The following LRP12 variants were observed in gnomAD, a reference collection of about 807,000 sequenced individuals.
LRP12 encodes the protein low-density lipoprotein receptor-related protein 12.
In LRP12, 14 loss-of-function variants were observed where a neutral mutation model predicts 66.0. The observed-to-expected ratio is 0.21, with a 90% CI of 0.14 to 0.33. The LOEUF (loss-of-function observed/expected upper bound fraction) is 0.33, where lower values mean the gene tolerates loss of function less well. Ranked by LOEUF, LRP12 falls within the 10% of genes least tolerant of loss-of-function variation. LRP12 has a pLI of 1.00. For missense variants in LRP12, 889 were observed against 1,053.4 expected (o/e 0.84, Z 2.16); for synonymous variants, 357 against 359.1 (o/e 0.99, Z 0.07).
intron 1 of LRP12, among the ~76,000 whole-genome samples, chr8:104,548,302 A>T (rs1160984835): frequency 1.1e-4 from 4 of 37,158 alleles, no homozygotes; most frequent in African/African-American, 9.3e-4. Context: ...TATTTATATA[A>T]TATATATTAT....
chr8:104,497,528 T>C lies in LRP12; in HGVS notation c.1024A>G (p.Thr342Ala), dbSNP rs749648726. 1.9e-6 allele frequency: 3 copies of C among 1,614,048 alleles called. No individual in the cohort carries two copies. The highest frequency in any genetic ancestry group is 2.5e-6 in the Non-Finnish European group (3 of 1,179,988). ...LTAFDSHAPL[T>A]VVSSSGQIRV... Reference sequence around the variant, plus strand: ...ATCTGTCCAGAAGAAGAAACAACTGTAAGAGGTGCATGAGAATCAAAAGCT... The same window carrying C: ...ATCTGTCCAGAAGAAGAAACAACTGCAAGAGGTGCATGAGAATCAAAAGCT... Residue 342 changes from threonine (T) to alanine (A), a missense_variant, in exon 5 of 7, where the codon ACA becomes GCA. Physicochemically the swap from Thr to Ala is moderately conservative, Grantham distance 58. This residue lies in a region of LRP12 where 800 missense variants were observed against 964.5 expected (regional missense o/e 0.83). Coordinates refer to ENST00000276654, the MANE Select transcript of LRP12 (RefSeq NM_013437.5). This position sits in a 1 kb window ranked among gnomAD's most constrained non-coding sequence, Gnocchi z 4.3.
intron 1 of LRP12, among the ~76,000 whole-genome samples, chr8:104,578,660 A>C (rs1380600033): frequency 6.6e-6 from 1 of 152,200 alleles, no homozygotes; most frequent in Non-Finnish European, 1.5e-5. Flanking sequence ...CTTCATGAAC[A>C]CTGATGCAAA....
intron 1 of LRP12, among the ~76,000 whole-genome samples, chr8:104,532,247 A>G (rs1269077351): frequency 6.6e-6 from 1 of 152,028 alleles, no homozygotes; most frequent in African/African-American, 2.4e-5. Context: ...AATAATCAAA[A>G]GGGAAGTCAG....
chr8:104,588,964 A>ACGACGCCGCCGCCGCCGCCGC lies in LRP12; in HGVS notation c.-68_-67insGCGGCGGCGGCGGCGGCGTCG, dbSNP rs548846399. The ACGACGCCGCCGCCGCCGCCGC allele has an allele frequency of 1.1e-5, 10 of 905,882 alleles. No homozygotes were observed. In the East Asian group the frequency reaches 2.8e-4, roughly 26 times the overall value. 56.1% of individuals were successfully genotyped at this position (905,882 alleles called of 1,614,324 possible). Reference sequence around the variant, plus strand: ...AGGGAGGAGAAGCTGGAGGTAGACGACGCCGACGCCGCCGCCGCCGCCGCC... The same window carrying ACGACGCCGCCGCCGCCGCCGC: ...AGGGAGGAGAAGCTGGAGGTAGACGACGACGCCGCCGCCGCCGCCGCCGCCGACGCCGCCGCCGCCGCCGCC... On this transcript the variant is annotated 5_prime_UTR_variant, in exon 1 of 7. Coordinates refer to ENST00000276654, the MANE Select transcript of LRP12 (RefSeq NM_013437.5).
intron 3 of LRP12, among the ~76,000 whole-genome samples, chr8:104,501,591 C>T (rs759795401): frequency 2.0e-5 from 3 of 151,840 alleles, no homozygotes; most frequent in Middle Eastern, 3.4e-3. Flanking sequence ...GTAGTCCCAG[C>T]TACTCGGGAG....
chr8:104,548,229 T>TA (rs1420677990), intron 1 of LRP12, among the ~76,000 whole-genome samples: 10 of 102,262 alleles, frequency 9.8e-5, no homozygotes, highest in Non-Finnish European at 1.4e-4. Flanking sequence ...ATATGATATA[T>TA]TTATATTAAT....
At chr8:104,575,546 G>A (rs1754690249) in intron 1 of LRP12, among the ~76,000 whole-genome samples, 1 of 152,096 alleles carries the variant, frequency 6.6e-6, no homozygotes, top group South Asian at 2.1e-4. Flanking sequence ...TTCCAGAAAT[G>A]AAGTCAGTCA....
chr8:104,507,158 A>T (rs1810922504), intron 3 of LRP12: 1 of 152,216 alleles, frequency 6.6e-6, no homozygotes, highest in Non-Finnish European at 1.5e-5. Context: ...AATGATAATC[A>T]TATGTAAAAC....
intron 1 of LRP12, among the ~76,000 whole-genome samples, chr8:104,570,285 T>C (rs1210242787): frequency 1.3e-5 from 2 of 152,192 alleles, no homozygotes; most frequent in East Asian, 3.8e-4. Flanking sequence ...AAGCTGATTC[T>C]AAAATGTATA....
At chr8:104,549,936 C>T (rs973350659) in intron 1 of LRP12, among the ~76,000 whole-genome samples, 1 of 152,192 alleles carries the variant, frequency 6.6e-6, no homozygotes, top group African/African-American at 2.4e-5. Context: ...TCCAACTATT[C>T]AGGGATCTTT....
intron 2 of LRP12, among the ~76,000 whole-genome samples, chr8:104,524,281 A>T (rs1811196503): frequency 6.6e-6 from 1 of 151,742 alleles, no homozygotes; most frequent in Non-Finnish European, 1.5e-5. Context: ...TATTTAATAC[A>T]TATAACGTAC....
At chr8:104,528,242 G>C (rs184689435) in intron 2 of LRP12, among the ~76,000 whole-genome samples, 1 of 152,304 alleles carries the variant, frequency 6.6e-6, no homozygotes, top group African/African-American at 2.4e-5. Context: ...TAGCAGAGGT[G>C]AAAAGAGCAG....
chr8:104,535,582 G>C (rs1023961350), intron 1 of LRP12, among the ~76,000 whole-genome samples: 1 of 151,980 alleles, frequency 6.6e-6, no homozygotes, highest in Non-Finnish European at 1.5e-5. Flanking sequence ...TGATAGGTAT[G>C]TACCAGCCAA....
intron 1 of LRP12, chr8:104,566,124 G>T: frequency 2.8e-6 from 1 of 357,830 alleles, no homozygotes; most frequent in South Asian, 5.1e-5. Context: ...TTGTGGGATT[G>T]GCTATATGCA....
rs1289202455 is a variant in LRP12 at position 104,497,976 on chromosome 8, T to G, written c.576A>C (p.Gly192=). The G allele has an allele frequency of 6.2e-7, 1 of 1,614,192 alleles. No individual in the cohort carries two copies. The highest frequency in any genetic ancestry group is 8.5e-7 in the Non-Finnish European group (1 of 1,180,024). Residue 192 remains glycine (G), a synonymous_variant, in exon 5 of 7, where the codon GGA becomes GGC. Coordinates refer to ENST00000276654, the MANE Select transcript of LRP12 (RefSeq NM_013437.5). This position sits in a 1 kb window ranked among gnomAD's most constrained non-coding sequence, Gnocchi z 4.3. ...AWKCNNMDEC[G]DSSDEEICAK... ...CACAGATCTCTTCATCGGAACTATC[T>G]CCACATTCATCCATGTTATTACATT... is the stretch of plus-strand genomic sequence containing the variant.
rs148958736 is a variant in LRP12, at chr8:104,564,322, T to C, written c.79+24497A>G. On this transcript the variant is annotated intron_variant, in intron 1 of 6. Coordinates refer to ENST00000276654, the MANE Select transcript of LRP12 (RefSeq NM_013437.5). ...CCAATTTGGTATCTGGCACAGGCCCTGAGATTCAGCATTTCTAACCAGCTA... is the reference window on the plus strand; with the variant it reads ...CCAATTTGGTATCTGGCACAGGCCCCGAGATTCAGCATTTCTAACCAGCTA... 2.4e-3 allele frequency among the ~76,000 whole-genome samples: 363 copies of C among 152,338 alleles called. 5 individuals are homozygous for C. The highest frequency in any genetic ancestry group is 0.018 in the Admixed American group (275 of 15,306).
chr8:104,508,979 A>G lies in LRP12; in HGVS notation c.232T>C (p.Trp78Arg). The G allele has an allele frequency of 1.2e-6, 2 of 1,613,804 alleles. No homozygotes were observed. The highest frequency in any genetic ancestry group is 1.7e-6 in the Non-Finnish European group (2 of 1,179,752). ...SEYPAKINCS[W>R]FIRANPGEII... ...TCGCCTGGGTTTGCCCTTATGAACC[A>G]GCTACAGTTGATTTTTGCAGGATAT... The change falls in exon 3 of 7, where the codon TGG (tryptophan) becomes CGG (arginine). Residue 78 changes from tryptophan (W) to arginine (R), a missense_variant. By Grantham distance (101) the Trp-to-Arg change is moderately radical. Transcript: ENST00000276654.
At position 104,491,137 on chromosome 8, in the gene LRP12, C is replaced by G. The variant is rs974509991; in HGVS notation, c.2116G>C (p.Asp706His). The change falls in exon 7 of 7, where the codon GAT becomes CAT. Residue 706 changes from aspartate to histidine, a missense_variant. Transcript: ENST00000276654. ...STQSTRGGHADNGRDVTSVEP... is the reference protein window; with the variant it reads ...STQSTRGGHAHNGRDVTSVEP... ...ACACTTGTCACATCCCTTCCATTATCTGCATGACCACCTCGGGTACTCTGA... is the reference window on the plus strand; with the variant it reads ...ACACTTGTCACATCCCTTCCATTATGTGCATGACCACCTCGGGTACTCTGA... The G allele has an allele frequency of 1.9e-6, 3 of 1,614,034 alleles. No homozygotes were observed. The highest frequency in any genetic ancestry group is 2.7e-5 in the African/African-American group (2 of 74,924).
At chr8:104,525,067 AAAAAGCGATT>A (rs1252769541) in intron 2 of LRP12, among the ~76,000 whole-genome samples, 1 of 152,116 alleles carries the variant, frequency 6.6e-6, no homozygotes, top group Non-Finnish European at 1.5e-5. Context: ...ACACTTTTTT[AAAAAGCGATT>A]AAAAGAGCCT....
Sources: allele counts gnomAD v4.1 joint callset (sites outside exome capture counted in the v4.1 genomes callset), GRCh38; gene constraint gnomAD v4.1.1; regional missense constraint gnomAD v4.1.1; non-coding constraint Gnocchi (gnomAD v3.1); transcripts MANE v1.5; gene names NCBI Gene and HGNC (gene_info 2026-07-23, HGNC 2026-07-21).